The following MCTP1 variants were observed in gnomAD, a reference collection of about 807,000 sequenced individuals.
MCTP1 encodes the protein multiple C2 and transmembrane domain containing 1, also known as multiple C2 and transmembrane domain-containing protein 1.
In MCTP1, 69 loss-of-function variants were observed where a neutral mutation model predicts 120.6. The observed-to-expected ratio is 0.57, with a 90% CI of 0.47 to 0.70. MCTP1 has a LOEUF of 0.70. Ranked by LOEUF, MCTP1 falls within the 30% of genes least tolerant of loss-of-function variation. The pLI is 0.00. For missense variants in MCTP1, 1,203 were observed against 1,248.8 expected (o/e 0.96, Z 0.55); for synonymous variants, 529 against 493.1 (o/e 1.07, Z -0.96).
intron 10 of MCTP1, among the ~76,000 whole-genome samples, chr5:94,900,785 T>C (rs1458933729): frequency 6.6e-6 from 1 of 152,232 alleles, no homozygotes; most frequent in Non-Finnish European, 1.5e-5. Context: ...AGAAAGTCAC[T>C]TAAACTCTTT....
chr5:94,867,168 T>C, intron 17 of MCTP1: 1 of 1,303,974 alleles, frequency 7.7e-7, no homozygotes, highest in South Asian at 1.9e-5. Flanking sequence ...ATATATTTAT[T>C]ATAAGAAAGA....
chr5:95,121,075 G>A (rs1190073692), intron 1 of MCTP1, among the ~76,000 whole-genome samples: 3 of 151,902 alleles, frequency 2.0e-5, no homozygotes, highest in East Asian at 1.9e-4. Flanking sequence ...TCAGGAGATC[G>A]AGACCATCCT....
intron 1 of MCTP1, among the ~76,000 whole-genome samples, chr5:95,194,074 A>G (rs912921263): frequency 7.2e-5 from 11 of 152,048 alleles, no homozygotes; most frequent in African/African-American, 2.7e-4. Context: ...AAATTAGCCA[A>G]GCATGGTAGC....
chr5:94,738,134 T>C (rs1764688392), intron 19 of MCTP1, among the ~76,000 whole-genome samples: 1 of 152,246 alleles, frequency 6.6e-6, no homozygotes. Flanking sequence ...ATTTAATTCA[T>C]GGGTAACATT....
chr5:95,013,207 G>A (rs777263796), intron 2 of MCTP1, among the ~76,000 whole-genome samples: 2 of 152,098 alleles, frequency 1.3e-5, no homozygotes, highest in African/African-American at 2.4e-5. Context: ...AGAGATGAGG[G>A]AGCTGCAGAA....
intron 2 of MCTP1, among the ~76,000 whole-genome samples, chr5:94,953,898 T>TATACAAATATA (rs1821437829): frequency 5.4e-5 from 4 of 73,538 alleles, no homozygotes; most frequent in African/African-American, 2.4e-4. Flanking sequence ...TATACAAATA[T>TATACAAATATA]ATATATGCAT....
intron 1 of MCTP1, among the ~76,000 whole-genome samples, chr5:95,108,796 T>C (rs1757269933): frequency 6.6e-6 from 1 of 152,174 alleles, no homozygotes; most frequent in South Asian, 2.1e-4. Flanking sequence ...GGTCTTAGAA[T>C]GGGTTGAAAG....
chr5:95,213,992 A>AAAAGCAATGGCAT (rs1752723353), intron 1 of MCTP1, among the ~76,000 whole-genome samples: 1 of 152,134 alleles, frequency 6.6e-6, no homozygotes, highest in Non-Finnish European at 1.5e-5. Flanking sequence ...AGCAATGGCA[A>AAAAGCAATGGCAT]CAAAAGCCAA....
At chr5:94,831,051 A>T (rs1355791215) in intron 17 of MCTP1, among the ~76,000 whole-genome samples, 1 of 152,118 alleles carries the variant, frequency 6.6e-6, no homozygotes, top group Non-Finnish European at 1.5e-5. Flanking sequence ...GATATAAAAG[A>T]CTCTGCTGTT....
chr5:94,733,208 G>T (rs868254553), intron 19 of MCTP1, among the ~76,000 whole-genome samples: 1 of 152,166 alleles, frequency 6.6e-6, no homozygotes, highest in East Asian at 1.9e-4. Flanking sequence ...GGAGAGCAAA[G>T]AATTTTCCAT....
intron 1 of MCTP1, among the ~76,000 whole-genome samples, chr5:95,128,372 A>C (rs1259017834): frequency 6.6e-6 from 1 of 152,256 alleles, no homozygotes; most frequent in African/African-American, 2.4e-5. Context: ...ACTGTACATA[A>C]ACATTCATGT....
intron 1 of MCTP1, among the ~76,000 whole-genome samples, chr5:95,124,725 A>G (rs1313585694): frequency 6.6e-6 from 1 of 152,220 alleles, no homozygotes; most frequent in Admixed American, 6.5e-5. Flanking sequence ...TTTCCCTCAA[A>G]TATATGATCC....
intron 1 of MCTP1, among the ~76,000 whole-genome samples, chr5:95,255,475 C>T (rs1757788238): frequency 6.6e-6 from 1 of 152,084 alleles, no homozygotes; most frequent in African/African-American, 2.4e-5. Context: ...AAACAAAAAG[C>T]TTTCTACTTA....
intron 1 of MCTP1, among the ~76,000 whole-genome samples, chr5:95,191,919 T>C (rs1327253666): frequency 6.6e-6 from 1 of 152,012 alleles, no homozygotes; most frequent in Non-Finnish European, 1.5e-5. Context: ...TTTTCACAAA[T>C]TCTACACTTT....
intron 1 of MCTP1, among the ~76,000 whole-genome samples, chr5:95,258,293 A>G (rs1415682273): frequency 1.3e-5 from 2 of 152,182 alleles, no homozygotes; most frequent in Non-Finnish European, 2.9e-5. Context: ...TGAGAATGGC[A>G]CTTTCCCTTT....
intron 1 of MCTP1, among the ~76,000 whole-genome samples, chr5:95,120,377 TA>T (rs1238711616): frequency 2.0e-5 from 3 of 151,166 alleles, no homozygotes; most frequent in African/African-American, 7.3e-5. Context: ...AAAGACACAT[TA>T]AAAAAAAGAA....
chr5:94,838,557 C>T (rs1790311834), intron 17 of MCTP1, among the ~76,000 whole-genome samples: 1 of 152,136 alleles, frequency 6.6e-6, no homozygotes, highest in Admixed American at 6.5e-5. Flanking sequence ...CAGAAACTCC[C>T]ATACAATGCA....
chr5:95,184,896 T>A (rs1354763282), intron 1 of MCTP1, among the ~76,000 whole-genome samples: 1 of 152,150 alleles, frequency 6.6e-6, no homozygotes, highest in Admixed American at 6.5e-5. Context: ...CAACCCCCTA[T>A]GATTCCATCT....
At chr5:94,875,866 A>C (rs1798764772) in intron 12 of MCTP1, among the ~76,000 whole-genome samples, 2 of 151,880 alleles carry the variant, frequency 1.3e-5, no homozygotes, top group South Asian at 4.2e-4. Flanking sequence ...TTTTATGTTT[A>C]CTTTTCTATT....
Sources: gnomAD v4.1 joint callset for allele counts (sites outside exome capture counted in the v4.1 genomes callset) on GRCh38, gnomAD v4.1.1 for gene constraint, MANE v1.5 for transcripts, NCBI Gene and HGNC (gene_info 2026-07-23, HGNC 2026-07-21) for gene names.